The following ZFAT variants were observed in gnomAD, a reference collection of about 807,000 sequenced individuals.
ZFAT encodes the protein zinc finger and AT-hook domain containing, also known as zinc finger protein ZFAT.
A neutral mutation model predicts 117.7 loss-of-function variants in ZFAT; 64 were observed. That is an observed-to-expected ratio of 0.54 (90% CI 0.44 to 0.67). The LOEUF (loss-of-function observed/expected upper bound fraction) is 0.67, where lower values mean the gene tolerates loss of function less well. Ranked by LOEUF, ZFAT falls within the 30% of genes least tolerant of loss-of-function variation. The probability of loss-of-function intolerance (pLI) is 0.00; values close to 1 mark genes in which losing one functional copy is unlikely to be tolerated. For missense variants in ZFAT, 1,433 were observed against 1,584.5 expected, an observed-to-expected ratio of 0.90 and a Z score of 1.62; for synonymous variants, 679 against 615.0, an observed-to-expected ratio of 1.10 and a Z score of -1.54.
intron 14 of ZFAT, among the ~76,000 whole-genome samples, chr8:134,510,413 A>G (rs894435303): frequency 1.3e-5 from 2 of 152,068 alleles, no homozygotes; most frequent in African/African-American, 4.8e-5. Flanking sequence ...TGACTGCTTG[A>G]TCTCCACCTC....
the ZFAT span, among the ~76,000 whole-genome samples, chr8:134,817,127 C>T: frequency 1.3e-5 from 2 of 152,100 alleles, no homozygotes; most frequent in African/African-American, 2.4e-5. Flanking sequence ...CTAGCTATTG[C>T]TATTCTGTAG....
In ZFAT at chr8:134,644,564, G is replaced by A. The variant is rs138280348; in HGVS notation, c.197-6852C>T. On this transcript the variant is annotated intron_variant, in intron 2 of 15. Coordinates refer to ENST00000377838, the MANE Select transcript of ZFAT (RefSeq NM_020863.4). ...CACACACACATGCACACTCACACACGTACACAACCACATACACAACCCATG... is the reference window on the plus strand; with the variant it reads ...CACACACACATGCACACTCACACACATACACAACCACATACACAACCCATG... Among the ~76,000 whole-genome samples, 6 of 147,990 alleles carry A rather than the reference G, an allele frequency of 4.1e-5. No homozygotes were observed. In the East Asian group the frequency reaches 1.0e-3, roughly 25 times the overall value.
chr8:134,501,452 T>C (rs1473886018), intron 15 of ZFAT, among the ~76,000 whole-genome samples: 1 of 152,202 alleles, frequency 6.6e-6, no homozygotes, highest in African/African-American at 2.4e-5. Context: ...TTACCATCAA[T>C]TCTTTTACAA....
intron 15 of ZFAT, among the ~76,000 whole-genome samples, chr8:134,492,290 C>G (rs1818110288): frequency 6.6e-6 from 1 of 152,120 alleles, no homozygotes; most frequent in South Asian, 2.1e-4. Flanking sequence ...TCACTCATGT[C>G]TTGTTTCTCA....
chr8:134,772,286 C>T, the ZFAT span, among the ~76,000 whole-genome samples: 1 of 152,330 alleles, frequency 6.6e-6, no homozygotes, highest in South Asian at 2.1e-4. Flanking sequence ...CTAGGCCTCT[C>T]ATTCTGGTTA....
chr8:134,706,977 G>A (rs573358144), intron 1 of ZFAT, among the ~76,000 whole-genome samples: 14 of 151,664 alleles, frequency 9.2e-5, no homozygotes, highest in Admixed American at 9.2e-4. Context: ...TTATCTTCCT[G>A]TCCCTCAACA....
At chr8:134,529,402 A>G (rs987466377) in intron 12 of ZFAT, among the ~76,000 whole-genome samples, 4 of 152,236 alleles carry the variant, frequency 2.6e-5, no homozygotes, top group African/African-American at 9.6e-5. Context: ...CTGAAGCAAT[A>G]CAAGTATTTC....
intron 2 of ZFAT, among the ~76,000 whole-genome samples, chr8:134,649,203 C>CACACA (rs35498428): frequency 0.17 from 24,828 of 143,618 alleles, 2,632 homozygotes; most frequent in East Asian, 0.51. Context: ...ACACACACAC[C>CACACA]CCATCATACT....
chr8:134,786,322 T>C, the ZFAT span, among the ~76,000 whole-genome samples: 3 of 152,214 alleles, frequency 2.0e-5, no homozygotes, highest in Admixed American at 6.5e-5. Flanking sequence ...TCCTGTACTA[T>C]TGCTGACATT....
chr8:134,534,177 C>T (rs934621536), intron 11 of ZFAT, among the ~76,000 whole-genome samples: 4 of 152,208 alleles, frequency 2.6e-5, no homozygotes, highest in Non-Finnish European at 5.9e-5. Context: ...GAGGCTCATG[C>T]CCATGTCATA....
At chr8:134,719,046 T>G in the ZFAT span, among the ~76,000 whole-genome samples, 2 of 152,190 alleles carry the variant, frequency 1.3e-5, no homozygotes, top group Non-Finnish European at 2.9e-5. Context: ...CGGTTGTACC[T>G]GCACAGAAAA....
chr8:134,507,336 T>C (rs1819489152), intron 15 of ZFAT, among the ~76,000 whole-genome samples: 1 of 151,932 alleles, frequency 6.6e-6, no homozygotes, highest in African/African-American at 2.4e-5. Context: ...GCTATAGGAG[T>C]GGTGCTCAGC....
the ZFAT span, chr8:134,800,686 G>T: frequency 2.6e-6 from 1 of 388,146 alleles, no homozygotes. Context: ...AACAGGCACA[G>T]CATTCACATA....
At chr8:134,505,655 C>T (rs935612381) in intron 15 of ZFAT, among the ~76,000 whole-genome samples, 3 of 152,038 alleles carry the variant, frequency 2.0e-5, no homozygotes, top group Non-Finnish European at 4.4e-5. Flanking sequence ...CTTAGCCTGC[C>T]GTTGCTGGCT....
chr8:134,653,166 C>CATTATTATT (rs1184170076), intron 2 of ZFAT, among the ~76,000 whole-genome samples: 26 of 131,278 alleles, frequency 2.0e-4, no homozygotes, highest in African/African-American at 6.7e-4. Flanking sequence ...TTTTTTTTTT[C>CATTATTATT]ATTATTATTA....
Position 134,478,520 on chromosome 8 carries a change from C to T in ZFAT, c.3694G>A (p.Glu1232Lys). The T allele has an allele frequency of 1.3e-6, 2 of 1,585,820 alleles. No individual in the cohort carries two copies. The highest frequency in any genetic ancestry group is 1.8e-5 in the Admixed American group (1 of 56,276). ...VYVQEAMQPV[E>K]EQAVEQPAQE... Reference sequence around the variant, plus strand: ...GCCGGCTGCTCCACAGCCTGCTCCTCCACAGGCTGCATGGCCTCCTGCACG... The same window carrying T: ...GCCGGCTGCTCCACAGCCTGCTCCTTCACAGGCTGCATGGCCTCCTGCACG... The change falls in exon 16 of 16, where the codon GAG (glutamate) becomes AAG (lysine). Residue 1232 changes from glutamate to lysine, a missense_variant. By Grantham distance (56) the Glu-to-Lys change is moderately conservative (BLOSUM62 1). Coordinates refer to ENST00000377838, the MANE Select transcript of ZFAT (RefSeq NM_020863.4). This position sits in a 1 kb window ranked among gnomAD's most constrained non-coding sequence, Gnocchi z 5.2.
intron 15 of ZFAT, among the ~76,000 whole-genome samples, chr8:134,491,136 G>T (rs1818027475): frequency 6.6e-6 from 1 of 152,228 alleles, no homozygotes; most frequent in Non-Finnish European, 1.5e-5. Context: ...TATTTATGAT[G>T]ATCTGAACCT....
chr8:134,573,264 CGT>C (rs150641977), intron 10 of ZFAT, among the ~76,000 whole-genome samples: 1,793 of 151,518 alleles, frequency 0.012, 38 homozygotes, highest in African/African-American at 0.041. Context: ...GTGTGTGTGC[CGT>C]GTGTGTGTGT....
chr8:134,724,800 CTTACAGAGT>C, the ZFAT span, among the ~76,000 whole-genome samples: 1 of 152,126 alleles, frequency 6.6e-6, no homozygotes, highest in Non-Finnish European at 1.5e-5. Context: ...CTCCCTTCCC[CTTACAGAGT>C]CAAGATTACC....
Sources: allele counts gnomAD v4.1 joint callset (sites outside exome capture counted in the v4.1 genomes callset), GRCh38; gene constraint gnomAD v4.1.1; non-coding constraint Gnocchi (gnomAD v3.1); transcripts MANE v1.5; gene names NCBI Gene and HGNC (gene_info 2026-07-23, HGNC 2026-07-21).